Variants in GRHL2 observed in about 807,000 individuals in gnomAD.
GRHL2 encodes grainyhead like transcription factor 2.
A neutral mutation model predicts 83.8 loss-of-function variants in GRHL2; 21 were observed. The observed-to-expected ratio is 0.25, with a 90% CI of 0.18 to 0.36. GRHL2 has a LOEUF of 0.36. GRHL2 is among the 10% of genes least tolerant of loss of function. The pLI is 1.00. For synonymous variants in GRHL2, 280 were observed against 278.9 expected (o/e 1.00, Z -0.04); for missense variants, 623 against 781.8 (o/e 0.80, Z 2.42).
At chr8:101,586,135 A>T (rs1392495386) in intron 7 of GRHL2, among the ~76,000 whole-genome samples, 1 of 135,328 alleles carries the variant, frequency 7.4e-6, no homozygotes, top group Non-Finnish European at 1.5e-5. Flanking sequence ...TGCGGACTGC[A>T]GTGGCGCAAT....
intron 13 of GRHL2, among the ~76,000 whole-genome samples, chr8:101,647,433 A>G (rs911927244): frequency 1.3e-5 from 2 of 152,144 alleles, no homozygotes; most frequent in African/African-American, 2.4e-5. Flanking sequence ...GGGGCTGCAG[A>G]GAGAATTGTA....
chr8:101,545,509 ATTC>A (rs1296001621), intron 2 of GRHL2, among the ~76,000 whole-genome samples: 15 of 130,082 alleles, frequency 1.2e-4, no homozygotes, highest in South Asian at 5.2e-4. Flanking sequence ...TAGGCTTTTT[ATTC>A]TTCTTCTTCT....
intron 1 of GRHL2, among the ~76,000 whole-genome samples, chr8:101,493,527 T>G (rs963584517): frequency 5.3e-5 from 8 of 151,830 alleles, no homozygotes; most frequent in Non-Finnish European, 1.0e-4. Context: ...CTGGGGGAAC[T>G]CATGTGAGGC....
chr8:101,522,059 A>G (rs1810696727), intron 1 of GRHL2, among the ~76,000 whole-genome samples: 2 of 152,192 alleles, frequency 1.3e-5, no homozygotes, highest in Non-Finnish European at 2.9e-5. Context: ...TTTTGTCCTC[A>G]TGGAAGAGTG....
chr8:101,545,567 G>A (rs375771788), intron 2 of GRHL2, among the ~76,000 whole-genome samples: 12 of 151,322 alleles, frequency 7.9e-5, no homozygotes, highest in Admixed American at 2.6e-4. Flanking sequence ...TTCTGATTGA[G>A]GATCTCATCT....
At chr8:101,547,133 G>A (rs1416733845) in intron 2 of GRHL2, among the ~76,000 whole-genome samples, 3 of 152,206 alleles carry the variant, frequency 2.0e-5, no homozygotes, top group Non-Finnish European at 4.4e-5. Flanking sequence ...GGTGTTCACA[G>A]CTTATATATG....
chr8:101,558,841 A>C (rs1811543659), intron 4 of GRHL2, 29 bp downstream of exon 4: 1 of 1,611,184 alleles, frequency 6.2e-7, no homozygotes, highest in South Asian at 1.1e-5. Context: ...CGACGGCCAG[A>C]ACCCAAACCC....
At chr8:101,535,705 A>G (rs1454538845) in intron 1 of GRHL2, among the ~76,000 whole-genome samples, 1 of 151,816 alleles carries the variant, frequency 6.6e-6, no homozygotes, top group East Asian at 1.9e-4. Context: ...CACCTGGCTA[A>G]TTTTTTGTAT....
chr8:101,493,350 G>A (rs1284438657), intron 1 of GRHL2, among the ~76,000 whole-genome samples: 2 of 152,164 alleles, frequency 1.3e-5, no homozygotes, highest in South Asian at 4.1e-4. Context: ...GCCCCGATGG[G>A]AGGCGAGGCG....
At chr8:101,676,340 C>T in the GRHL2 span, among the ~76,000 whole-genome samples, 3 of 151,292 alleles carry the variant, frequency 2.0e-5, no homozygotes, top group East Asian at 5.8e-4. Context: ...CCAGAATCTA[C>T]AATGAACTCA....
At position 101,652,356 on chromosome 8, in the gene GRHL2, GTGGT is replaced by G. The variant is rs1563626726; in HGVS notation, c.1698+2858_1698+2861del. 3.2e-3 allele frequency among the ~76,000 whole-genome samples: 266 copies of G among 82,938 alleles called. 5 individuals carry two copies. The highest frequency in any genetic ancestry group is 0.016 in the African/African-American group (230 of 14,212). The allele number at this position is 82,938 out of a possible 152,430, so 54.4% of individuals were successfully genotyped here. A position where few individuals can be genotyped will look rare whatever the true frequency, so the allele number is the denominator to read the frequency against. On this transcript the variant is annotated intron_variant, in intron 14 of 15. Coordinates refer to ENST00000646743, the MANE Select transcript of GRHL2 (RefSeq NM_024915.4). ...GTGTGTGTGTATGTGTGTGGTGTGT[GTGGT>G]GTGTGTGTGTCTGATGTGTGTGTGG...
At chr8:101,636,766 C>CTGTT in intron 11 of GRHL2, 131 bp from the exon 12 acceptor site, 2 of 752,232 alleles carry the variant, frequency 2.7e-6, no homozygotes, top group Non-Finnish European at 4.8e-6. Context: ...CACACACACA[C>CTGTT]TGTTATTAAA....
At chr8:101,607,224 G>A (rs1202892951) in intron 8 of GRHL2, among the ~76,000 whole-genome samples, 1 of 152,146 alleles carries the variant, frequency 6.6e-6, no homozygotes, top group East Asian at 1.9e-4. Flanking sequence ...TAGTCTTAAC[G>A]GATCATGCTT....
At chr8:101,509,107 C>CTCTCCTTCCTTCCT (rs1810398009) in intron 1 of GRHL2, among the ~76,000 whole-genome samples, 16 of 94,858 alleles carry the variant, frequency 1.7e-4, no homozygotes, top group African/African-American at 7.0e-4. Flanking sequence ...CTTTCTTTCT[C>CTCTCCTTCCTTCCT]TCCTTCCTTC....
At chr8:101,523,727 C>T (rs146154884) in intron 1 of GRHL2, among the ~76,000 whole-genome samples, 1 of 152,206 alleles carries the variant, frequency 6.6e-6, no homozygotes, top group East Asian at 1.9e-4. Context: ...GATCCTCCCA[C>T]CTCAGCCTCT....
intron 1 of GRHL2, among the ~76,000 whole-genome samples, chr8:101,501,158 C>T (rs1810220918): frequency 6.6e-6 from 1 of 152,168 alleles, no homozygotes; most frequent in Non-Finnish European, 1.5e-5. Context: ...GTTGTTCATG[C>T]ATTTGAATGG....
Position 101,492,624 on chromosome 8 carries a change from G to C in GRHL2, c.-146G>C, listed in dbSNP as rs1198592376. The C allele has an allele frequency of 1.3e-6, 1 of 767,512 alleles. No homozygotes were observed. Among genetic ancestry groups the C allele is most frequent in the African/African-American group, 1.7e-5 (1 of 58,804 alleles). 47.5% of individuals were successfully genotyped at this position (767,512 alleles called of 1,614,324 possible). ...GCGGGCGAGCGAGCGAGAGTGGTGA[G>C]GGGGGACGGAAAAGCAGAATTACCT... On this transcript the variant is annotated 5_prime_UTR_variant, in exon 1 of 16. Transcript: ENST00000646743.
intron 14 of GRHL2, among the ~76,000 whole-genome samples, chr8:101,652,344 T>TG (rs1563626669): frequency 1.0e-4 from 7 of 69,912 alleles, no homozygotes; most frequent in African/African-American, 5.8e-4. Flanking sequence ...TGTGTGTATG[T>TG]GTGTGGTGTG....
chr8:101,613,429 G>A (rs1044820270), intron 8 of GRHL2, among the ~76,000 whole-genome samples: 24 of 150,774 alleles, frequency 1.6e-4, no homozygotes, highest in Non-Finnish European at 1.2e-4. Flanking sequence ...CCCTGGGGGC[G>A]GGTAGTCTGT....
Sources: allele counts gnomAD v4.1 joint callset (sites outside exome capture counted in the v4.1 genomes callset), GRCh38; gene constraint gnomAD v4.1.1; transcripts MANE v1.5; gene names NCBI Gene and HGNC (gene_info 2026-07-23, HGNC 2026-07-21).